Variants in FHIP1B observed in about 807,000 individuals in gnomAD.
FHIP1B encodes FHF complex subunit HOOK-interacting protein 1B.
Under a neutral mutation model 82.2 loss-of-function variants are expected in FHIP1B, and 28 were observed. That is an observed-to-expected ratio of 0.34 (90% CI 0.25 to 0.47). The LOEUF is 0.47. FHIP1B is among the 20% of genes least tolerant of loss of function. FHIP1B has a pLI of 1.00. For missense variants in FHIP1B, 1,110 were observed against 1,262.6 expected, an observed-to-expected ratio of 0.88 and a Z score of 1.83; for synonymous variants, 585 against 516.1, an observed-to-expected ratio of 1.13 and a Z score of -1.81.
chr11:6,216,784 G>C (rs1428988211), intron 9 of FHIP1B: 6 of 490,008 alleles, frequency 1.2e-5, no homozygotes, highest in South Asian at 9.6e-5. Context: ...CTAGCAGACA[G>C]TCACAGCAAC....
rs561748424 is a variant in FHIP1B, at chr11:6,217,692, G to A, written c.1894C>T (p.Pro632Ser). ...GAGEGPGHLP[P>S]PQLNGVPGSW... ...CCTGGCACTCCATTGAGCTGGGGAG[G>A]GGGCAGGTGACCAGGGCCCTCCCCT... The change falls in exon 9 of 12, where the codon CCT (proline) becomes TCT (serine). Residue 632 changes from proline (P) to serine (S), a missense_variant. By Grantham distance (74) the Pro-to-Ser change is moderately conservative. This residue lies in a region of FHIP1B where 418 missense variants were observed against 371.4 expected (regional missense o/e 1.13). Transcript: ENST00000449352. The A allele has an allele frequency of 1.2e-6, 2 of 1,613,426 alleles. No individual in the cohort carries two copies. Among genetic ancestry groups the A allele is most frequent in the Non-Finnish European group, 1.7e-6 (2 of 1,179,800 alleles).
At chr11:6,218,183 G>C in intron 8 of FHIP1B, 33 bp from the exon 9 acceptor site, 2 of 1,584,214 alleles carry the variant, frequency 1.3e-6, no homozygotes, top group Non-Finnish European at 1.7e-6. Flanking sequence ...AGAAATCAAG[G>C]AGACAGAGGT....
chr11:6,212,652 T>A (rs1160738507), intron 11 of FHIP1B, among the ~76,000 whole-genome samples: 1 of 152,190 alleles, frequency 6.6e-6, no homozygotes, highest in African/African-American at 2.4e-5. Flanking sequence ...TGGATCCATA[T>A]CTACTATAAA....
intron 1 of FHIP1B, among the ~76,000 whole-genome samples, chr11:6,233,423 G>T (rs1282397876): frequency 6.6e-6 from 1 of 152,180 alleles, no homozygotes; most frequent in Non-Finnish European, 1.5e-5. Context: ...TTGGTGGGGA[G>T]AAGAGGACCT....
Position 6,224,089 on chromosome 11 carries a change from C to A in FHIP1B, c.298G>T (p.Ala100Ser). 2 of 1,613,800 alleles carry A rather than the reference C, an allele frequency of 1.2e-6. No homozygotes were observed. The highest frequency in any genetic ancestry group is 1.7e-6 in the Non-Finnish European group (2 of 1,179,874). The change falls in exon 3 of 12, where the codon GCT (alanine) becomes TCT (serine). Residue 100 changes from alanine to serine, a missense_variant. Around this residue, in one of 6 missense-constraint regions of FHIP1B, gnomAD observed 467 missense variants for 602.9 expected, o/e 0.77. Coordinates refer to ENST00000449352, the MANE Select transcript of FHIP1B (RefSeq NM_001098794.2). ...CGGGTCAGCAGATCCTCGTGCAGAG[C>A]AAACTCCAGCAGGGGCCCAGGGCCT... ...PTGPGPLLEF[A>S]LHEDLLTRVL...
At chr11:6,218,947 C>T (rs1190440380) in intron 7 of FHIP1B, 24 bp downstream of exon 7, 1 of 1,612,364 alleles carries the variant, frequency 6.2e-7, no homozygotes, top group African/African-American at 1.3e-5. Context: ...GTCAGCCATC[C>T]CTCAGCCCTG....
In FHIP1B at chr11:6,222,903, G is replaced by A. The variant is rs1240846469; in HGVS notation, c.937-6C>T. On this transcript the variant is annotated splice_polypyrimidine_tract_variant and splice_region_variant and intron_variant, in intron 4 of 11. Transcript: ENST00000449352. ...TGCACCAGGGGGTGAGCCACCTGTA[G>A]GAGTGCCAGAGAGAAGGGGGAGGGT... 6 of 1,613,840 alleles carry A rather than the reference G, an allele frequency of 3.7e-6. No individual in the cohort carries two copies. The highest frequency in any genetic ancestry group is 5.1e-6 in the Non-Finnish European group (6 of 1,179,860).
At position 6,218,085 on chromosome 11, in the gene FHIP1B, G is replaced by A. The variant is rs200718157; in HGVS notation, c.1501C>T (p.Arg501Cys). The change falls in exon 9 of 12, where the codon CGT (arginine) becomes TGT (cysteine). Residue 501 changes from arginine to cysteine, a missense_variant. Coordinates refer to ENST00000449352, the MANE Select transcript of FHIP1B (RefSeq NM_001098794.2). The stretch of plus-strand genomic sequence containing the variant: ...TGCTGCCGCAGGAAGAGAGCCAGAC[G>A]AGATGGTGTGGAGGGCCGGGGTACT... ...TTVPRPSTPS[R>C]LALFLRQQSL... is the part of the protein sequence containing the mutation. The A allele has an allele frequency of 3.5e-5, 57 of 1,613,624 alleles. No individual in the cohort carries two copies. The highest frequency in any genetic ancestry group is 6.6e-5 in the South Asian group (6 of 91,048).
At chr11:6,219,153 C>A in intron 6 of FHIP1B, 103 bp from the exon 7 acceptor site, 4 of 814,250 alleles carry the variant, frequency 4.9e-6, no homozygotes, top group South Asian at 3.0e-5. Context: ...GCCCAACCAA[C>A]CACTCCTAGA....
chr11:6,229,077 C>G (rs1334024673), intron 1 of FHIP1B, among the ~76,000 whole-genome samples: 1 of 152,152 alleles, frequency 6.6e-6, no homozygotes, highest in East Asian at 1.9e-4. Flanking sequence ...CTGCAAAGAG[C>G]CTCATTGAAA....
chr11:6,228,006 C>G (rs1399139263), intron 1 of FHIP1B, among the ~76,000 whole-genome samples: 1 of 152,040 alleles, frequency 6.6e-6, no homozygotes, highest in African/African-American at 2.4e-5. Flanking sequence ...GAATAGGAAT[C>G]GAAATGTAAG....
intron 7 of FHIP1B, 74 bp downstream of exon 7, chr11:6,218,897 C>T: frequency 6.4e-7 from 1 of 1,555,262 alleles, no homozygotes; most frequent in Non-Finnish European, 8.9e-7. Context: ...CCCTATATAG[C>T]CCATTGCCCC....
intron 11 of FHIP1B, among the ~76,000 whole-genome samples, chr11:6,212,415 G>A (rs1172149820): frequency 6.6e-6 from 1 of 152,076 alleles, no homozygotes; most frequent in African/African-American, 2.4e-5. Context: ...TATCCACAGG[G>A]GCTATATATG....
chr11:6,223,570 T>C lies in FHIP1B; in HGVS notation c.777+40A>G. On this transcript the variant is annotated intron_variant, in intron 3 of 11. Coordinates refer to ENST00000449352, the MANE Select transcript of FHIP1B (RefSeq NM_001098794.2). This position sits in a 1 kb window ranked among gnomAD's most constrained non-coding sequence, Gnocchi z 4.8. Reference sequence around the variant, plus strand: ...GGATAGGAAGGTGCTGTTCAGTATCTACACACCACACCCTACCCTCCAAGC... The same window carrying C: ...GGATAGGAAGGTGCTGTTCAGTATCCACACACCACACCCTACCCTCCAAGC... 1 of 1,542,992 alleles carries C rather than the reference T, an allele frequency of 6.5e-7. No individual in the cohort carries two copies. Among genetic ancestry groups the C allele is most frequent in the East Asian group, 2.3e-5 (1 of 44,362 alleles).
intron 6 of FHIP1B, 94 bp downstream of exon 6, chr11:6,222,348 A>G (rs1391547339): frequency 2.2e-6 from 3 of 1,380,170 alleles, no homozygotes; most frequent in East Asian, 4.6e-5. Flanking sequence ...CTGGAGATAC[A>G]GGCAAAAGAA....
At chr11:6,212,003 T>A in intron 11 of FHIP1B, 136 bp from the exon 12 acceptor site, 1 of 1,413,316 alleles carries the variant, frequency 7.1e-7, no homozygotes, top group Non-Finnish European at 9.2e-7. Flanking sequence ...AAGGACAAAA[T>A]GGACCAGAAA....
At chr11:6,215,133 A>C in intron 9 of FHIP1B, 1 of 417,852 alleles carries the variant, frequency 2.4e-6, no homozygotes, top group Non-Finnish European at 4.2e-6. Flanking sequence ...CACACATTCA[A>C]GCTGACAAGC....
chr11:6,218,457 C>A (rs947021822), intron 8 of FHIP1B, 143 bp downstream of exon 8: 7 of 1,294,844 alleles, frequency 5.4e-6, no homozygotes, highest in African/African-American at 2.9e-5. Flanking sequence ...CTGCAAGACA[C>A]CCTCATCAAC....
At position 6,214,501 on chromosome 11, in the gene FHIP1B, T is replaced by C; in HGVS notation, c.2467A>G (p.Lys823Glu). Residue 823 changes from lysine to glutamate, a missense_variant, in exon 11 of 12, where the codon AAA becomes GAA. Physicochemically the swap from Lys to Glu is moderately conservative, Grantham distance 56 (BLOSUM62 1). This residue lies in a region of FHIP1B where 147 missense variants were observed against 154.0 expected (regional missense o/e 0.95). Transcript: ENST00000449352. ...CGGGCAATGAGGTACTTCTTGGCTTTGGACAGCAGTGCTGGGAAGTCCTCC... is the reference window on the plus strand; with the variant it reads ...CGGGCAATGAGGTACTTCTTGGCTTCGGACAGCAGTGCTGGGAAGTCCTCC... ...SQEDFPALLS[K>E]AKKYLIARGK... 1 of 1,614,210 alleles carries C rather than the reference T, an allele frequency of 6.2e-7. No individual in the cohort carries two copies. The highest frequency in any genetic ancestry group is 8.5e-7 in the Non-Finnish European group (1 of 1,180,024).
Sources: gnomAD v4.1 joint callset for allele counts (sites outside exome capture counted in the v4.1 genomes callset) on GRCh38, gnomAD v4.1.1 for gene constraint, gnomAD v4.1.1 regional missense constraint, Gnocchi (gnomAD v3.1) non-coding constraint, MANE v1.5 for transcripts, NCBI Gene and HGNC (gene_info 2026-07-23, HGNC 2026-07-21) for gene names.